LIN28A: variants seen among roughly 807,000 people sequenced by gnomAD.
LIN28A encodes protein lin-28 homolog A.
LIN28A carries 11 observed loss-of-function variants against 21.1 expected under a neutral mutation model. The ratio of observed to expected loss-of-function variants is 0.52; its 90% CI spans 0.33 to 0.86. The LOEUF (loss-of-function observed/expected upper bound fraction) is 0.86, where lower values mean the gene tolerates loss of function less well. Ranked by LOEUF, LIN28A falls within the 40% of genes least tolerant of loss-of-function variation. LIN28A has a pLI of 0.03. For synonymous variants in LIN28A, 111 were observed against 108.7 expected, an observed-to-expected ratio of 1.02 and a Z score of -0.13; for missense variants, 219 against 279.8, an observed-to-expected ratio of 0.78 and a Z score of 1.55.
rs780618895 is a variant in LIN28A at position 26,411,480 on chromosome 1, C to A, written c.126C>A (p.Gly42=). ...AGCCTCAGCTGCTGCACGGTGCGGG[C>A]ATCTGTAAGTGGTTCAACGTGCGCA... ...ADEPQLLHGA[G]ICKWFNVRMG... Residue 42 remains glycine (G), a synonymous_variant, in exon 2 of 4, where the codon GGC becomes GGA. Transcript: ENST00000326279. The surrounding 1 kb of genome is among the most constrained non-coding windows in gnomAD (Gnocchi z 5.4). 6.2e-7 allele frequency: 1 copy of A among 1,614,036 alleles called. No individual in the cohort carries two copies. The highest frequency in any genetic ancestry group is 8.5e-7 in the Non-Finnish European group (1 of 1,179,986).
intron 2 of LIN28A, among the ~76,000 whole-genome samples, chr1:26,421,830 C>T (rs774369619): frequency 3.9e-5 from 6 of 152,002 alleles, no homozygotes; most frequent in Non-Finnish European, 7.4e-5. Context: ...AAGAACAATA[C>T]CCAACACTCC....
In LIN28A at chr1:26,413,483, T is replaced by C. The variant is rs534553608; in HGVS notation, c.228+1901T>C. Among the ~76,000 whole-genome samples the C allele has an allele frequency of 2.0e-5, 3 of 152,192 alleles. No homozygotes were observed. The South Asian group carries it at 6.2e-4, about 32-fold the overall frequency. On this transcript the variant is annotated intron_variant, in intron 2 of 3. Coordinates refer to ENST00000326279, the MANE Select transcript of LIN28A (RefSeq NM_024674.6). ...ACTATTGGATGGCATAGAGCAGGCATTGAGTCTACACCATGCTGGGTCAGA... is the reference window on the plus strand; with the variant it reads ...ACTATTGGATGGCATAGAGCAGGCACTGAGTCTACACCATGCTGGGTCAGA...
rs1035470233 is a variant in LIN28A at position 26,419,456 on chromosome 1, G to A, written c.229-5847G>A. On this transcript the variant is annotated intron_variant, in intron 2 of 3. Transcript: ENST00000326279. The stretch of plus-strand genomic sequence containing the variant: ...TATGATCCTCTTAAAATAAACCTAT[G>A]AGGTGTCCATAGAGGAAGGTGTTAC... 3.9e-5 allele frequency among the ~76,000 whole-genome samples: 6 copies of A among 152,126 alleles called. No homozygotes were observed. In the South Asian group the frequency reaches 1.0e-3, roughly 26 times the overall value.
In LIN28A at chr1:26,416,821, G is replaced by T. The variant is rs77563203; in HGVS notation, c.228+5239G>T. 9.2e-3 allele frequency among the ~76,000 whole-genome samples: 1,395 copies of T among 152,130 alleles called. 32 individuals carry two copies. The highest frequency in any genetic ancestry group is 0.076 in the East Asian group (392 of 5,166). On this transcript the variant is annotated intron_variant, in intron 2 of 3. Coordinates refer to ENST00000326279, the MANE Select transcript of LIN28A (RefSeq NM_024674.6). ...TTTAGTAGAGATGGGGTTTCACCAT[G>T]TTAGCCAGGCTGGTCTCGAACTCCT...
At chr1:26,410,958 T>C (rs1295700722) in intron 1 of LIN28A, 36 bp downstream of exon 1, 2 of 1,594,642 alleles carry the variant, frequency 1.3e-6, no homozygotes, top group Admixed American at 3.7e-5. Context: ...CACTTTAGGA[T>C]TCAGGGGCGG....
chr1:26,415,127 G>A (rs2074985388), intron 2 of LIN28A, among the ~76,000 whole-genome samples: 1 of 152,124 alleles, frequency 6.6e-6, no homozygotes, highest in South Asian at 2.1e-4. Context: ...TGTTTAAATT[G>A]GCTTTCTGGC....
At chr1:26,424,805 G>T (rs2075048964) in intron 2 of LIN28A, among the ~76,000 whole-genome samples, 1 of 152,016 alleles carries the variant, frequency 6.6e-6, no homozygotes, top group South Asian at 2.1e-4. Context: ...GCAATAGTGT[G>T]ATCTCAGCTC....
At chr1:26,414,473 G>A (rs1416169682) in intron 2 of LIN28A, among the ~76,000 whole-genome samples, 4 of 152,138 alleles carry the variant, frequency 2.6e-5, no homozygotes, top group Non-Finnish European at 5.9e-5. Flanking sequence ...ATGTTCTTAT[G>A]CTCTCTCCCA....
Position 26,428,383 on chromosome 1 carries a change from C to CA in LIN28A, c.*1926dup, listed in dbSNP as rs1462703827. Reference sequence around the variant, plus strand: ...CTTCTACCCTGCCCTCTTTTCTGTTCACCCCCAAAAGAAAACTTACACACC... The same window carrying CA: ...CTTCTACCCTGCCCTCTTTTCTGTTCAACCCCCAAAAGAAAACTTACACACC... On this transcript the variant is annotated 3_prime_UTR_variant, in exon 4 of 4. Transcript: ENST00000326279. The CA allele has an allele frequency of 7.1e-6, 1 of 141,144 alleles. No homozygotes were observed. Among genetic ancestry groups the CA allele is most frequent in the Admixed American group, 7.8e-5 (1 of 12,822 alleles). The allele number at this position is 141,144 out of a possible 1,614,324, so 8.7% of individuals were successfully genotyped here.
In LIN28A at chr1:26,426,442, C is replaced by T. The variant is rs1275050709; in HGVS notation, c.614C>T (p.Pro205Leu). Residue 205 changes from proline to leucine, a missense_variant, in exon 4 of 4, where the codon CCG becomes CTG. Coordinates refer to ENST00000326279, the MANE Select transcript of LIN28A (RefSeq NM_024674.6). ...GAAATCCACAGCCCTACCCTGCTCC[C>T]GGAGGCACAGAATTGAGCCACAATG... ...EEEIHSPTLL[P>L]EAQN The T allele has an allele frequency of 8.1e-6, 13 of 1,613,966 alleles. No individual in the cohort carries two copies. Among genetic ancestry groups the T allele is most frequent in the East Asian group, 4.5e-5 (2 of 44,898 alleles).
At position 26,411,289 on chromosome 1, in the gene LIN28A, T is replaced by G. The variant is rs958610420; in HGVS notation, c.32-97T>G. 1 of 1,226,554 alleles carries G rather than the reference T, an allele frequency of 8.2e-7. No individual in the cohort carries two copies. Among genetic ancestry groups the G allele is most frequent in the Admixed American group, 2.9e-5 (1 of 34,770 alleles). The allele number at this position is 1,226,554 out of a possible 1,614,324, so 76.0% of individuals were successfully genotyped here. A position where few individuals can be genotyped will look rare whatever the true frequency, so the allele number is the denominator to read the frequency against. ...TAGCTGCCCCCTCCTGGCTGTCCAC[T>G]TGTGGGGCTGGATACTCGGGTCTCC... On this transcript the variant is annotated intron_variant, in intron 1 of 3. Transcript: ENST00000326279. This position sits in a 1 kb window ranked among gnomAD's most constrained non-coding sequence, Gnocchi z 5.4.
At chr1:26,417,008 C>A (rs921613608) in intron 2 of LIN28A, among the ~76,000 whole-genome samples, 5 of 148,254 alleles carry the variant, frequency 3.4e-5, no homozygotes, top group South Asian at 2.3e-4. Flanking sequence ...AGTCTAGGAA[C>A]CTTTCATTCT....
chr1:26,416,104 T>C (rs763228287), intron 2 of LIN28A, among the ~76,000 whole-genome samples: 2 of 152,196 alleles, frequency 1.3e-5, no homozygotes, highest in Non-Finnish European at 2.9e-5. Flanking sequence ...GCAATTCTCC[T>C]GCCTCAGCCT....
intron 1 of LIN28A, 21 bp downstream of exon 1, chr1:26,410,943 G>A: frequency 6.2e-7 from 1 of 1,605,654 alleles, no homozygotes; most frequent in Non-Finnish European, 8.5e-7. Context: ...GGGACTTAGC[G>A]GGGACACTTT....
At position 26,427,440 on chromosome 1, in the gene LIN28A, T is replaced by C. The variant is rs550019443; in HGVS notation, c.*982T>C. The C allele has an allele frequency of 2.0e-5, 3 of 152,788 alleles. No individual in the cohort carries two copies. The highest frequency in any genetic ancestry group is 4.4e-5 in the Non-Finnish European group (3 of 68,046). 9.5% of individuals were successfully genotyped at this position (152,788 alleles called of 1,614,324 possible). ...AAACCCCCTCTGCCTTGAAAATGTT[T>C]TATGGGAGACTAGGTTTTAACTGGG... On this transcript the variant is annotated 3_prime_UTR_variant, in exon 4 of 4. Coordinates refer to ENST00000326279, the MANE Select transcript of LIN28A (RefSeq NM_024674.6).
rs61673617 is a variant in LIN28A, at chr1:26,422,415, T to TA, written c.229-2888_229-2887insA. On this transcript the variant is annotated intron_variant, in intron 2 of 3. Coordinates refer to ENST00000326279, the MANE Select transcript of LIN28A (RefSeq NM_024674.6). Reference sequence around the variant, plus strand: ...TATGCAAATTTTGTCAATTGTCCTATTTTTTTTTTTTTTTTCCTGTTTCAA... The same window carrying TA: ...TATGCAAATTTTGTCAATTGTCCTATATTTTTTTTTTTTTTTCCTGTTTCAA... Among the ~76,000 whole-genome samples, 10 of 68,554 alleles carry TA rather than the reference T, an allele frequency of 1.5e-4. No homozygotes were observed. In the Admixed American group the frequency reaches 1.5e-3, roughly 10 times the overall value. The allele number at this position is 68,554 out of a possible 152,430, so 45.0% of individuals were successfully genotyped here.
chr1:26,414,104 C>T (rs2074979182), intron 2 of LIN28A, among the ~76,000 whole-genome samples: 1 of 152,170 alleles, frequency 6.6e-6, no homozygotes, highest in South Asian at 2.1e-4. Flanking sequence ...GCTGGGATTA[C>T]AGGCATGAGC....
chr1:26,426,689 G>C lies in LIN28A; in HGVS notation c.*231G>C, dbSNP rs1216479775. The C allele has an allele frequency of 5.8e-6, 3 of 515,752 alleles. No homozygotes were observed. The highest frequency in any genetic ancestry group is 7.0e-5 in the East Asian group (2 of 28,730). The allele number at this position is 515,752 out of a possible 1,614,324, so 31.9% of individuals were successfully genotyped here. A position where few individuals can be genotyped will look rare whatever the true frequency, so the allele number is the denominator to read the frequency against. ...TGAGGGTTCTGGGGGCAACCAGGAG[G>C]GGGGAATCACCCTACAACCTGCATA... On this transcript the variant is annotated 3_prime_UTR_variant, in exon 4 of 4. Coordinates refer to ENST00000326279, the MANE Select transcript of LIN28A (RefSeq NM_024674.6).
Position 26,426,413 on chromosome 1 carries a change from A to C in LIN28A, c.585A>C (p.Glu195Asp). 1 of 1,614,248 alleles carries C rather than the reference A, an allele frequency of 6.2e-7. No homozygotes were observed. Residue 195 changes from glutamate to aspartate, a missense_variant, in exon 4 of 4, where the codon GAA becomes GAC. Physicochemically the swap from Glu to Asp is conservative, Grantham distance 45. Around this residue, in one of 3 missense-constraint regions of LIN28A, gnomAD observed 45 missense variants for 37.7 expected, o/e 1.19. Coordinates refer to ENST00000326279, the MANE Select transcript of LIN28A (RefSeq NM_024674.6). ...AGCCAACCTACTTTCGAGAGGAAGA[A>C]GAAGAAATCCACAGCCCTACCCTGC... The part of the protein sequence containing the change: ...QGKPTYFREE[E>D]EEIHSPTLLP...
Sources: allele counts gnomAD v4.1 joint callset (sites outside exome capture counted in the v4.1 genomes callset), GRCh38; gene constraint gnomAD v4.1.1; regional missense constraint gnomAD v4.1.1; non-coding constraint Gnocchi (gnomAD v3.1); transcripts MANE v1.5; gene names NCBI Gene and HGNC (gene_info 2026-07-23, HGNC 2026-07-21).